Variants in MCRS1 observed in about 807,000 individuals in gnomAD.
MCRS1 encodes 58 kDa microspherule protein.
In MCRS1, 22 loss-of-function variants were observed where a neutral mutation model predicts 62.9. That is an observed-to-expected ratio of 0.35 (90% CI 0.25 to 0.50). MCRS1 has a LOEUF of 0.50. MCRS1 is among the 20% of genes least tolerant of loss of function. MCRS1 has a pLI of 0.98. For missense variants in MCRS1, 456 were observed against 601.1 expected (o/e 0.76, Z 2.52); for synonymous variants, 244 against 233.5 (o/e 1.04, Z -0.41).
chr12:49,562,236 A>C (rs1416375497), intron 8 of MCRS1, among the ~76,000 whole-genome samples: 1 of 152,236 alleles, frequency 6.6e-6, no homozygotes, highest in Non-Finnish European at 1.5e-5. Context: ...TGTGTGAAAA[A>C]CTATGTAGAC....
rs1052684907 is a variant in MCRS1 at position 49,566,819 on chromosome 12, A to G, written c.-88T>C. On this transcript the variant is annotated 5_prime_UTR_variant, in exon 2 of 15. Transcript: ENST00000343810. ...CTCATCCAAGGATTCTGACCAGGTG[A>G]GCTTAAAGGCTGAGAGGAGATTCTG... The G allele has an allele frequency of 2.7e-5, 42 of 1,543,628 alleles. 2 individuals are homozygous for G. Among genetic ancestry groups the G allele is most frequent in the Middle Eastern group, 1.7e-4 (1 of 5,970 alleles).
In MCRS1 at chr12:49,559,745, T is replaced by C. The variant is rs1328596333; in HGVS notation, c.987A>G (p.Leu329=). The C allele has an allele frequency of 6.2e-7, 1 of 1,614,050 alleles. No individual in the cohort carries two copies. The highest frequency in any genetic ancestry group is 1.3e-5 in the African/African-American group (1 of 74,928). The change falls in exon 11 of 15, where the codon CTA becomes CTG. Residue 329 remains leucine, a synonymous_variant. Coordinates refer to ENST00000343810, the MANE Select transcript of MCRS1 (RefSeq NM_006337.5). This position sits in a 1 kb window ranked among gnomAD's most constrained non-coding sequence, Gnocchi z 5.2. ...CCTCCTCACCTGTGATGCTGTCCAC[T>C]AGCACCTGCCACTTATGCAGTTCCT... The part of the protein sequence containing the change: ...LEQELHKWQV[L]VDSITGMSSP...
Position 49,564,573 on chromosome 12 carries a change from G to A in MCRS1, c.465C>T (p.Ser155=), listed in dbSNP as rs769397859. 34 of 1,610,624 alleles carry A rather than the reference G, an allele frequency of 2.1e-5. No individual in the cohort carries two copies. The highest frequency in any genetic ancestry group is 2.1e-4 in the South Asian group (19 of 90,504). Residue 155 remains serine, a synonymous_variant, in exon 6 of 15, where the codon TCC becomes TCT. Transcript: ENST00000343810. ...AGCTGAATTTCACGCCCAGGTGGAC[G>A]GAGGTCAGGTCGTTGGTCTGCAAGG... ...NAVLQTNDLT[S]VHLGVKFSCR...
At chr12:49,564,144 G>A (rs1160923304) in intron 6 of MCRS1, among the ~76,000 whole-genome samples, 1 of 152,194 alleles carries the variant, frequency 6.6e-6, no homozygotes, top group East Asian at 1.9e-4. Context: ...AATGTGGAAA[G>A]GCTGGAGGTG....
rs1938675521 is a variant in MCRS1, at chr12:49,559,980, A to G, written c.882-13T>C. ...ATCTCGCATGTCCCTGAGGGGCAAG[A>G]AGAGAAGGAAGATTTAGGTCCACCT... is the stretch of plus-strand genomic sequence containing the variant. On this transcript the variant is annotated splice_polypyrimidine_tract_variant and intron_variant, in intron 9 of 14. Transcript: ENST00000343810. The surrounding 1 kb of genome is among the most constrained non-coding windows in gnomAD (Gnocchi z 5.2). 1 of 1,614,010 alleles carries G rather than the reference A, an allele frequency of 6.2e-7. No individual in the cohort carries two copies. The highest frequency in any genetic ancestry group is 1.7e-5 in the Admixed American group (1 of 59,996).
At chr12:49,568,020 C>G (rs1373037396) in intron 1 of MCRS1, 28 bp downstream of exon 1, 1 of 152,212 alleles carries the variant, frequency 6.6e-6, no homozygotes. Context: ...CCTCTGAGAA[C>G]CCTCAGAGGC....
chr12:49,560,414 G>T, intron 8 of MCRS1, 44 bp from the exon 9 acceptor site: 1 of 1,583,504 alleles, frequency 6.3e-7, no homozygotes, highest in Non-Finnish European at 8.7e-7. Context: ...GGGTCTTGCT[G>T]AACCCGATGC....
rs562642110 is a variant in MCRS1 at position 49,567,889 on chromosome 12, A to C, written c.-111+159T>G. The C allele has an allele frequency of 4.6e-5, 7 of 152,220 alleles. No homozygotes were observed. In the East Asian group the frequency reaches 5.8e-4, roughly 13 times the overall value. The allele number at this position is 152,220 out of a possible 1,614,324, so 9.4% of individuals were successfully genotyped here. On this transcript the variant is annotated intron_variant, in intron 1 of 14. Transcript: ENST00000343810. ...GCGCATGCGTAACACTTCGAGCCAG[A>C]TTCTAACCCGGTCCGGCCCACGCAT...
chr12:49,561,624 CTTTCT>C (rs370647699), intron 8 of MCRS1, among the ~76,000 whole-genome samples: 112 of 152,274 alleles, frequency 7.4e-4, no homozygotes, highest in African/African-American at 2.4e-3. Context: ...CACAAAATAA[CTTTCT>C]TTTCTTTTTT....
Position 49,559,053 on chromosome 12 carries a change from T to C in MCRS1, c.1175-83A>G. ...GAAAGGCCAGAGAGAGCCAGGAGCT[T>C]CCATGGACCAGCTCTGCTTCCTGCA... On this transcript the variant is annotated intron_variant, in intron 13 of 14. Coordinates refer to ENST00000343810, the MANE Select transcript of MCRS1 (RefSeq NM_006337.5). The surrounding 1 kb of genome is among the most constrained non-coding windows in gnomAD (Gnocchi z 5.2). 6.3e-7 allele frequency: 1 copy of C among 1,581,876 alleles called. No individual in the cohort carries two copies. The highest frequency in any genetic ancestry group is 8.6e-7 in the Non-Finnish European group (1 of 1,156,656).
In MCRS1 at chr12:49,566,213, A is replaced by G. The variant is rs772973273; in HGVS notation, c.13T>C (p.Ser5Pro). The G allele has an allele frequency of 1.2e-5, 20 of 1,612,014 alleles. No individual in the cohort carries two copies. The Admixed American group carries it at 3.2e-4, about 26-fold the overall frequency. The change falls in exon 3 of 15, where the codon TCT becomes CCT. Residue 5 changes from serine (S) to proline (P), a missense_variant and splice_region_variant. By Grantham distance (74) the Ser-to-Pro change is moderately conservative. This residue lies in a region of MCRS1 where 55 missense variants were observed against 49.3 expected (regional missense o/e 1.12). Coordinates refer to ENST00000343810, the MANE Select transcript of MCRS1 (RefSeq NM_006337.5). MDKD[S>P]QGLLDSSLMA... Reference sequence around the variant, plus strand: ...AGGGATGAATCTAGCAGCCCCTGAGAATCTAGCAAGAGAGAAATGGTGGAT... The same window carrying G: ...AGGGATGAATCTAGCAGCCCCTGAGGATCTAGCAAGAGAGAAATGGTGGAT...
chr12:49,560,060 T>C, intron 9 of MCRS1, 93 bp from the exon 10 acceptor site: 2 of 1,539,198 alleles, frequency 1.3e-6, no homozygotes, highest in Non-Finnish European at 1.8e-6. Context: ...TTTAGCCAAG[T>C]GGCCTGGAAG....
At chr12:49,566,611 G>C (rs2138205297) in intron 2 of MCRS1, 111 bp downstream of exon 2, 16 of 1,539,042 alleles carry the variant, frequency 1.0e-5, no homozygotes, top group Non-Finnish European at 1.4e-5. Flanking sequence ...TGGCCCAGGG[G>C]GAGGTGGCAA....
At chr12:49,560,514 TGGG>T in intron 8 of MCRS1, 144 bp from the exon 9 acceptor site, 1 of 711,108 alleles carries the variant, frequency 1.4e-6, no homozygotes, top group Non-Finnish European at 2.5e-6. Context: ...CAGATTAGGC[TGGG>T]CTCTAATTTG....
At chr12:49,560,518 C>A in intron 8 of MCRS1, 148 bp from the exon 9 acceptor site, 1 of 698,616 alleles carries the variant, frequency 1.4e-6, no homozygotes, top group South Asian at 1.7e-5. Flanking sequence ...TTAGGCTGGG[C>A]TCTAATTTGG....
At position 49,559,501 on chromosome 12, in the gene MCRS1, C is replaced by T; in HGVS notation, c.1038G>A (p.Leu346=). 6.2e-7 allele frequency: 1 copy of T among 1,612,626 alleles called. No homozygotes were observed. The highest frequency in any genetic ancestry group is 8.5e-7 in the Non-Finnish European group (1 of 1,180,044). Residue 346 remains leucine, a synonymous_variant, in exon 12 of 15, where the codon CTG becomes CTA. Coordinates refer to ENST00000343810, the MANE Select transcript of MCRS1 (RefSeq NM_006337.5). This position sits in a 1 kb window ranked among gnomAD's most constrained non-coding sequence, Gnocchi z 5.2. ...MSSPDFDNQT[L]AVLRGRMVRY... ...GCACCATGCGGCCCCGCAGCACTGC[C>T]AGTGTCTGGTTGTCGAAGTCCGGAG... is the stretch of plus-strand genomic sequence containing the variant.
chr12:49,565,704 C>A (rs528202458), intron 3 of MCRS1, 37 bp from the exon 4 acceptor site: 2 of 1,613,994 alleles, frequency 1.2e-6, no homozygotes, highest in South Asian at 2.2e-5. Context: ...CTCCTTACCC[C>A]ACCCTGGTAC....
At chr12:49,564,363 C>A (rs2138197342) in intron 6 of MCRS1, 118 bp downstream of exon 6, 4 of 765,974 alleles carry the variant, frequency 5.2e-6, no homozygotes, top group Non-Finnish European at 8.5e-6. Context: ...CCCCAAGGAG[C>A]CTCCAGGAGT....
Position 49,563,421 on chromosome 12 carries a change from C to T in MCRS1, c.666+17G>A. The T allele has an allele frequency of 6.2e-7, 1 of 1,605,752 alleles. No individual in the cohort carries two copies. Among genetic ancestry groups the T allele is most frequent in the Non-Finnish European group, 8.5e-7 (1 of 1,175,384 alleles). ...CGCTGTGCCCTGATCCTCCACCTTC[C>T]CAGCCCTCAGCCTTACCGATCCCAC... is the stretch of plus-strand genomic sequence containing the variant. On this transcript the variant is annotated intron_variant, in intron 7 of 14. Coordinates refer to ENST00000343810, the MANE Select transcript of MCRS1 (RefSeq NM_006337.5).
Sources: allele counts gnomAD v4.1 joint callset (sites outside exome capture counted in the v4.1 genomes callset), GRCh38; gene constraint gnomAD v4.1.1; regional missense constraint gnomAD v4.1.1; non-coding constraint Gnocchi (gnomAD v3.1); transcripts MANE v1.5; gene names NCBI Gene and HGNC (gene_info 2026-07-23, HGNC 2026-07-21).